GSN: variants seen among roughly 807,000 people sequenced by gnomAD.
GSN encodes actin-depolymerizing factor.
A neutral mutation model predicts 85.7 loss-of-function variants in GSN; 56 were observed. The observed-to-expected ratio is 0.65, with a 90% CI of 0.53 to 0.82. GSN has a LOEUF of 0.82. Among genes scored for constraint, GSN ranks in the 40% least tolerant of loss-of-function variants. The pLI is 0.00. For missense variants in GSN, 857 were observed against 979.8 expected, an observed-to-expected ratio of 0.87 and a Z score of 1.67; for synonymous variants, 373 against 399.1, an observed-to-expected ratio of 0.93 and a Z score of 0.78.
rs1255341820 is a variant in GSN, at chr9:121,310,691, G to A, written c.359G>A (p.Gly120Asp). 3.7e-6 allele frequency: 6 copies of A among 1,614,170 alleles called. No individual in the cohort carries two copies. The highest frequency in any genetic ancestry group is 5.1e-6 in the Non-Finnish European group (6 of 1,180,022). Residue 120 changes from glycine to aspartate, a missense_variant, in exon 5 of 18, where the codon GGT (glycine) becomes GAT (aspartate). By Grantham distance (94) the Gly-to-Asp change is moderately conservative. Coordinates refer to ENST00000432226, the MANE Select transcript of GSN (RefSeq NM_198252.3). ...GTCTCTTTGGCCCCACAGAAAGGAG[G>A]TGTGGCATCAGGATTCAAGCACGTG... ...FKSGLKYKKGGVASGFKHVVP... is the reference protein window; with the variant it reads ...FKSGLKYKKGDVASGFKHVVP...
Position 121,296,182 on chromosome 9 carries a change from G to T in GSN, c.-9-5781G>T, listed in dbSNP as rs538922679. 2.0e-5 allele frequency among the ~76,000 whole-genome samples: 3 copies of T among 152,238 alleles called. No individual in the cohort carries two copies. In the East Asian group the frequency reaches 5.8e-4, roughly 29 times the overall value. ...AAGGGCACTGCTGCTCCCTGCCCAG[G>T]TCAGGTGGTGCTAGGAGCTCCTGCT... On this transcript the variant is annotated intron_variant, in intron 2 of 17. Transcript: ENST00000432226.
At chr9:121,302,780 A>C in intron 3 of GSN, 131 bp from the exon 4 acceptor site, 1 of 872,352 alleles carries the variant, frequency 1.1e-6, no homozygotes, top group South Asian at 1.4e-5. Flanking sequence ...TGAGGCTCAC[A>C]GAAGGCAAGG....
intron 4 of GSN, among the ~76,000 whole-genome samples, chr9:121,211,773 G>T (rs1197119590): frequency 6.6e-6 from 1 of 152,042 alleles, no homozygotes; most frequent in Non-Finnish European, 1.5e-5. Context: ...AGTAGATGGG[G>T]CTCTATCTCC....
chr9:121,273,209 C>G (rs754182644), intron 1 of GSN, among the ~76,000 whole-genome samples: 1 of 152,184 alleles, frequency 6.6e-6, no homozygotes, highest in Non-Finnish European at 1.5e-5. Context: ...TTCTGCTGAG[C>G]TGGCTAAGCA....
At chr9:121,235,550 C>G (rs2054476115) in intron 5 of GSN, among the ~76,000 whole-genome samples, 1 of 152,210 alleles carries the variant, frequency 6.6e-6, no homozygotes, top group South Asian at 2.1e-4. Flanking sequence ...AAAAGGCAAA[C>G]TAGAGTAGCC....
rs1187511879 is a variant in GSN at position 121,327,353 on chromosome 9, C to G, written c.1633C>G (p.Leu545Val). Residue 545 changes from leucine to valine, a missense_variant, in exon 14 of 18, where the codon CTG (leucine) becomes GTG (valine). Physicochemically the swap from Leu to Val is conservative, Grantham distance 32. Coordinates refer to ENST00000432226, the MANE Select transcript of GSN (RefSeq NM_198252.3). ...ACTGAACTCCAACGATGCCTTTGTT[C>G]TGAAAACCCCCTCAGCCGCCTACCT... ...GALNSNDAFV[L>V]KTPSAAYLWV... is the part of the protein sequence containing the mutation. 6.2e-7 allele frequency: 1 copy of G among 1,614,074 alleles called. No homozygotes were observed. Among genetic ancestry groups the G allele is most frequent in the South Asian group, 1.1e-5 (1 of 91,080 alleles).
intron 2 of GSN, chr9:121,282,153 G>T: frequency 2.1e-6 from 1 of 474,968 alleles, no homozygotes; most frequent in Non-Finnish European, 4.0e-6. Context: ...GCAGAGTCCT[G>T]GGCTGGAAGC....
chr9:121,300,187 C>T (rs940405959), intron 2 of GSN: 1 of 1,190,536 alleles, frequency 8.4e-7, no homozygotes. Flanking sequence ...AGCCTCGGGG[C>T]CCTGGCTGTT....
Position 121,332,739 on chromosome 9 carries a change from T to TA in GSN, c.*137dup. 1.6e-6 allele frequency: 1 copy of TA among 639,460 alleles called. No individual in the cohort carries two copies. The highest frequency in any genetic ancestry group is 2.7e-6 in the Non-Finnish European group (1 of 377,318). 39.6% of individuals were successfully genotyped at this position (639,460 alleles called of 1,614,324 possible). ...GTGTGTTGTTTCTTTTTTTTTTTTTTACAGTATCCAAAAATAGCCCTGCAA... is the reference window on the plus strand; with the variant it reads ...GTGTGTTGTTTCTTTTTTTTTTTTTTAACAGTATCCAAAAATAGCCCTGCAA... On this transcript the variant is annotated 3_prime_UTR_variant, in exon 18 of 18. Coordinates refer to ENST00000432226, the MANE Select transcript of GSN (RefSeq NM_198252.3). The surrounding 1 kb of genome is among the most constrained non-coding windows in gnomAD (Gnocchi z 4.8).
At chr9:121,220,224 A>C (rs2054144680) in intron 4 of GSN, among the ~76,000 whole-genome samples, 1 of 152,180 alleles carries the variant, frequency 6.6e-6, no homozygotes, top group Non-Finnish European at 1.5e-5. Context: ...GTCTTGCAAT[A>C]ACTCTCCAAA....
chr9:121,236,800 A>T (rs1402548922), intron 5 of GSN, among the ~76,000 whole-genome samples: 8 of 152,302 alleles, frequency 5.3e-5, no homozygotes. Flanking sequence ...CCACAACATT[A>T]CCCTGAAAAG....
chr9:121,286,232 A>C, intron 2 of GSN: 4 of 1,229,914 alleles, frequency 3.3e-6, no homozygotes, highest in Non-Finnish European at 4.6e-6. Flanking sequence ...AGCTCAGAGG[A>C]GGGACGCCAG....
chr9:121,246,934 C>T (rs1369986990), intron 5 of GSN, among the ~76,000 whole-genome samples: 1 of 152,180 alleles, frequency 6.6e-6, no homozygotes, highest in Non-Finnish European at 1.5e-5. Flanking sequence ...GATATGGCTG[C>T]TCCTGTGGTT....
At chr9:121,224,602 A>G (rs1490527219) in intron 4 of GSN, among the ~76,000 whole-genome samples, 3 of 152,104 alleles carry the variant, frequency 2.0e-5, no homozygotes, top group Non-Finnish European at 4.4e-5. Context: ...TCTTCCTGAA[A>G]TAGAGCCTTT....
chr9:121,232,162 T>A (rs2054403011), intron 5 of GSN, among the ~76,000 whole-genome samples: 1 of 152,212 alleles, frequency 6.6e-6, no homozygotes. Context: ...ATCCCAAACC[T>A]AACTTGTTAT....
intron 4 of GSN, among the ~76,000 whole-genome samples, chr9:121,212,788 T>C (rs1054423284): frequency 3.3e-5 from 5 of 151,834 alleles, no homozygotes; most frequent in African/African-American, 1.2e-4. Context: ...GGACTACAGG[T>C]GCGCACCACC....
chr9:121,271,458 A>G (rs1466912537), intron 1 of GSN, among the ~76,000 whole-genome samples: 3 of 152,230 alleles, frequency 2.0e-5, no homozygotes, highest in Non-Finnish European at 2.9e-5. Context: ...GGTAGATACT[A>G]GTATCTTCTT....
intron 2 of GSN, chr9:121,210,126 C>T (rs369719741): frequency 6.6e-6 from 1 of 152,288 alleles, no homozygotes; most frequent in African/African-American, 2.4e-5. Flanking sequence ...TAAGAAATGA[C>T]TCCAAAATCT....
intron 2 of GSN, among the ~76,000 whole-genome samples, chr9:121,296,470 A>C (rs1016778567): frequency 6.6e-6 from 1 of 152,208 alleles, no homozygotes; most frequent in South Asian, 2.1e-4. Context: ...CCTGAAGCTC[A>C]GAGACTTGTA....
Sources: allele counts gnomAD v4.1 joint callset (sites outside exome capture counted in the v4.1 genomes callset), GRCh38; gene constraint gnomAD v4.1.1; non-coding constraint Gnocchi (gnomAD v3.1); transcripts MANE v1.5; gene names NCBI Gene and HGNC (gene_info 2026-07-23, HGNC 2026-07-21).